KCNIP4: variants seen among roughly 807,000 people sequenced by gnomAD.
KCNIP4 encodes potassium voltage-gated channel interacting protein 4.
KCNIP4 carries 12 observed loss-of-function variants against 34.0 expected under a neutral mutation model. The observed-to-expected ratio is 0.35, with a 90% CI of 0.23 to 0.57. The LOEUF is 0.57. KCNIP4 is among the 20% of genes least tolerant of loss of function. KCNIP4 has a pLI of 0.83. For missense variants in KCNIP4, 238 were observed against 311.7 expected (o/e 0.76, Z 1.78); for synonymous variants, 124 against 102.2 (o/e 1.21, Z -1.29).
intron 1 of KCNIP4, among the ~76,000 whole-genome samples, chr4:20,900,613 T>C (rs1021654650): frequency 6.6e-6 from 1 of 152,168 alleles, no homozygotes; most frequent in African/African-American, 2.4e-5. Flanking sequence ...GGCAAACCTT[T>C]CTGTCCCTGG....
At chr4:21,035,179 G>C (rs183944487) in intron 1 of KCNIP4, among the ~76,000 whole-genome samples, 1 of 152,228 alleles carries the variant, frequency 6.6e-6, no homozygotes, top group African/African-American at 2.4e-5. Flanking sequence ...TTGCTAGTTG[G>C]TTCTTATTTT....
intron 1 of KCNIP4, among the ~76,000 whole-genome samples, chr4:21,657,241 C>T (rs1379728409): frequency 2.6e-5 from 4 of 151,994 alleles, no homozygotes; most frequent in Non-Finnish European, 4.4e-5. Flanking sequence ...CTTGCTTTTT[C>T]GTTATTTTAT....
At position 21,907,935 on chromosome 4, in the gene KCNIP4, G is replaced by A. The variant is rs145671039; in HGVS notation, c.61+40636C>T. On this transcript the variant is annotated intron_variant, in intron 1 of 8. Transcript: ENST00000382152. ...TTTAAATTGTATCTGGTATACAGTT[G>A]AAGAATCGGCAAAAACACATTGGAT... Among the ~76,000 whole-genome samples the A allele has an allele frequency of 4.6e-4, 70 of 152,208 alleles. 1 individual carries two copies. In the East Asian group the frequency reaches 9.1e-3, roughly 20 times the overall value.
At chr4:21,709,695 G>A (rs1451667928) in intron 1 of KCNIP4, among the ~76,000 whole-genome samples, 2 of 152,068 alleles carry the variant, frequency 1.3e-5, no homozygotes, top group Non-Finnish European at 2.9e-5. Flanking sequence ...TTCTTGATGT[G>A]CTCAGTAAAA....
chr4:21,489,383 T>A, intron 1 of KCNIP4, among the ~76,000 whole-genome samples: 1 of 150,860 alleles, frequency 6.6e-6, no homozygotes, highest in East Asian at 2.0e-4. Context: ...GAATAGGAAG[T>A]AGGGCCTTGC....
intron 1 of KCNIP4, among the ~76,000 whole-genome samples, chr4:21,433,219 G>A (rs190957513): frequency 2.0e-5 from 3 of 152,238 alleles, no homozygotes; most frequent in African/African-American, 7.2e-5. Context: ...ATATACATAC[G>A]TAACTAAGTT....
At chr4:21,747,849 A>G (rs1445599358) in intron 1 of KCNIP4, among the ~76,000 whole-genome samples, 4 of 152,126 alleles carry the variant, frequency 2.6e-5, no homozygotes, top group African/African-American at 7.2e-5. Context: ...GTGAACTCAT[A>G]CTGGATTAGG....
At position 21,649,753 on chromosome 4, in the gene KCNIP4, C is replaced by T. The variant is rs535108545; in HGVS notation, c.61+298818G>A. Among the ~76,000 whole-genome samples, 16 of 152,286 alleles carry T rather than the reference C, an allele frequency of 1.1e-4. No homozygotes were observed. The South Asian group carries it at 2.3e-3, about 22-fold the overall frequency. On this transcript the variant is annotated intron_variant, in intron 1 of 8. Transcript: ENST00000382152. The stretch of plus-strand genomic sequence containing the variant: ...GAAGCCTTGCAAAGTGACATTTTCT[C>T]CAAATGCACTTGGTGAATTTTTTTA...
At chr4:20,854,170 T>C (rs965260471) in intron 2 of KCNIP4, among the ~76,000 whole-genome samples, 20 of 152,168 alleles carry the variant, frequency 1.3e-4, no homozygotes, top group African/African-American at 4.8e-4. Flanking sequence ...AAGTCATTAT[T>C]CAAAAAAGAT....
intron 1 of KCNIP4, among the ~76,000 whole-genome samples, chr4:21,151,493 T>C (rs1577792400): frequency 1.4e-5 from 2 of 141,228 alleles, no homozygotes; most frequent in East Asian, 4.4e-4. Context: ...AGATCTGGTG[T>C]GGCCTCTCCT....
intron 1 of KCNIP4, among the ~76,000 whole-genome samples, chr4:21,209,650 G>A (rs536555838): frequency 3.3e-5 from 5 of 151,750 alleles, no homozygotes; most frequent in Admixed American, 2.6e-4. Context: ...TATCATATCT[G>A]TATGCTGTGG....
intron 1 of KCNIP4, among the ~76,000 whole-genome samples, chr4:21,823,217 T>A (rs1267339849): frequency 6.6e-6 from 1 of 152,236 alleles, no homozygotes; most frequent in South Asian, 2.1e-4. Flanking sequence ...AAATCTTTCA[T>A]ACAAGAGCTA....
chr4:20,987,554 G>T (rs1343351324), intron 1 of KCNIP4, among the ~76,000 whole-genome samples: 1 of 152,068 alleles, frequency 6.6e-6, no homozygotes, highest in Non-Finnish European at 1.5e-5. Flanking sequence ...TTTCAAAGAA[G>T]AATAAAAACT....
chr4:21,611,240 C>T (rs577087472), intron 1 of KCNIP4, among the ~76,000 whole-genome samples: 4 of 152,192 alleles, frequency 2.6e-5, no homozygotes, highest in African/African-American at 7.2e-5. Flanking sequence ...TGGGTTGGTT[C>T]CAAGACTTTG....
chr4:21,103,741 C>A (rs1323783541), intron 1 of KCNIP4, among the ~76,000 whole-genome samples: 2 of 136,872 alleles, frequency 1.5e-5, no homozygotes, highest in East Asian at 2.4e-4. Context: ...CCCCTCCCCC[C>A]ACCACACAAC....
chr4:21,453,402 C>A (rs1413202905), intron 1 of KCNIP4, among the ~76,000 whole-genome samples: 1 of 152,004 alleles, frequency 6.6e-6, no homozygotes, highest in African/African-American at 2.4e-5. Context: ...GTTTTATTTA[C>A]CTCATATTAC....
chr4:21,062,488 C>G (rs1051057946), intron 1 of KCNIP4, among the ~76,000 whole-genome samples: 1 of 151,714 alleles, frequency 6.6e-6, no homozygotes, highest in Non-Finnish European at 1.5e-5. Context: ...AGTCAAGGTT[C>G]TCCAGAGAAA....
At chr4:21,555,420 A>G (rs1175264158) in intron 1 of KCNIP4, among the ~76,000 whole-genome samples, 1 of 152,184 alleles carries the variant, frequency 6.6e-6, no homozygotes. Context: ...TCCAGCATGA[A>G]TGGACCCAAC....
rs71191514 is a variant in KCNIP4, at chr4:21,504,475, A to AAAAGAAAGAAAG, written c.61+444084_61+444095dup. 8.9e-4 allele frequency among the ~76,000 whole-genome samples: 91 copies of AAAAGAAAGAAAG among 101,828 alleles called. 2 individuals are homozygous for AAAAGAAAGAAAG. The highest frequency in any genetic ancestry group is 4.8e-3 in the Middle Eastern group (1 of 208). The allele number at this position is 101,828 out of a possible 152,430, so 66.8% of individuals were successfully genotyped here. ...AGAATGACTCCAACTCAAAAAAAAA[A>AAAAGAAAGAAAG]AAAGAAAGAAAGAAAGAAAGAAAGA... On this transcript the variant is annotated intron_variant, in intron 1 of 8. Coordinates refer to ENST00000382152, the MANE Select transcript of KCNIP4 (RefSeq NM_025221.6).
Sources: allele counts gnomAD v4.1 joint callset (sites outside exome capture counted in the v4.1 genomes callset), GRCh38; gene constraint gnomAD v4.1.1; transcripts MANE v1.5; gene names NCBI Gene and HGNC (gene_info 2026-07-23, HGNC 2026-07-21).